The following LOC400499 variants were observed in gnomAD, a reference collection of about 807,000 sequenced individuals.
the LOC400499 span, chr16:11,477,716 T>C: frequency 7.3e-5 from 29 of 396,400 alleles, no homozygotes; most frequent in African/African-American, 5.4e-4. Flanking sequence ...TTCTGCAGAA[T>C]AGGGATCCTC....
the LOC400499 span, among the ~76,000 whole-genome samples, chr16:11,487,052 G>A: frequency 6.6e-6 from 1 of 152,000 alleles, no homozygotes; most frequent in Non-Finnish European, 1.5e-5. Context: ...TAGATGGAAG[G>A]AGGGAGGGAG....
At chr16:11,419,221 A>AAAAAT in the LOC400499 span, among the ~76,000 whole-genome samples, 2 of 152,126 alleles carry the variant, frequency 1.3e-5, no homozygotes, top group African/African-American at 4.8e-5. Context: ...TACAGTAACC[A>AAAAAT]AAACAGCATG....
the LOC400499 span, chr16:11,443,251 G>A: frequency 1.3e-5 from 4 of 307,202 alleles, no homozygotes; most frequent in African/African-American, 9.6e-5. Flanking sequence ...TTGAACCCAG[G>A]AGGCAGAGGT....
At chr16:11,481,209 G>A in the LOC400499 span, among the ~76,000 whole-genome samples, 2 of 152,238 alleles carry the variant, frequency 1.3e-5, no homozygotes, top group Non-Finnish European at 2.9e-5. Context: ...AGGGGCTGCT[G>A]GGGAGTGACT....
At chr16:11,429,486 T>C in the LOC400499 span, among the ~76,000 whole-genome samples, 1 of 152,178 alleles carries the variant, frequency 6.6e-6, no homozygotes, top group African/African-American at 2.4e-5. Context: ...AATAATTTAT[T>C]TTTTGAGACA....
the LOC400499 span, chr16:11,435,859 G>T: frequency 2.5e-6 from 1 of 399,202 alleles, no homozygotes; most frequent in Non-Finnish European, 4.4e-6. Flanking sequence ...GCACTCTGTA[G>T]CGCCCGGCAG....
chr16:11,471,487 C>CA, the LOC400499 span: 1 of 396,584 alleles, frequency 2.5e-6, no homozygotes, highest in East Asian at 3.6e-5. Flanking sequence ...CATACAGCCC[C>CA]AGATGGAGAA....
chr16:11,439,969 T>C, the LOC400499 span, among the ~76,000 whole-genome samples: 1 of 152,130 alleles, frequency 6.6e-6, no homozygotes, highest in African/African-American at 2.4e-5. Context: ...TACCATCCCA[T>C]TTCCCAGCTA....
the LOC400499 span, chr16:11,523,380 C>A: frequency 2.5e-6 from 1 of 398,666 alleles, no homozygotes; most frequent in South Asian, 1.3e-4. Context: ...GGCTCCTGGT[C>A]ACCAGAGGTG....
the LOC400499 span, chr16:11,384,421 C>T: frequency 1.7e-6 from 1 of 582,824 alleles, no homozygotes; most frequent in East Asian, 3.4e-5. Flanking sequence ...TGAGATGAGC[C>T]TGAAGCACAC....
chr16:11,428,145 T>C, the LOC400499 span, among the ~76,000 whole-genome samples: 6 of 152,208 alleles, frequency 3.9e-5, no homozygotes, highest in Admixed American at 3.9e-4. Context: ...TATGCTAAAC[T>C]AGGGGTGGAT....
the LOC400499 span, among the ~76,000 whole-genome samples, chr16:11,487,072 G>T: frequency 0.01 from 1,596 of 152,074 alleles, 27 homozygotes; most frequent in African/African-American, 0.036. Context: ...GGGATGGAGT[G>T]ATGGAGGCAT....
chr16:11,502,940 G>A, the LOC400499 span, among the ~76,000 whole-genome samples: 704 of 22,344 alleles, frequency 0.032, 13 homozygotes, highest in African/African-American at 0.096. Flanking sequence ...TTTTTTTTAA[G>A]AGACAGGATC....
chr16:11,485,491 G>A, the LOC400499 span, among the ~76,000 whole-genome samples: 1 of 152,034 alleles, frequency 6.6e-6, no homozygotes, highest in African/African-American at 2.4e-5. Flanking sequence ...CCTGGATGGG[G>A]GGGAGGGTTT....
the LOC400499 span, among the ~76,000 whole-genome samples, chr16:11,507,552 T>C: frequency 6.6e-6 from 1 of 152,202 alleles, no homozygotes; most frequent in African/African-American, 2.4e-5. Flanking sequence ...CACAATGATA[T>C]GAATTTCACT....
At chr16:11,498,459 G>A in the LOC400499 span, among the ~76,000 whole-genome samples, 5 of 152,126 alleles carry the variant, frequency 3.3e-5, no homozygotes, top group African/African-American at 1.2e-4. Flanking sequence ...TCCAGCCTGG[G>A]CAACAGAGCG....
At chr16:11,448,923 T>G in the LOC400499 span, 1 of 1,477,738 alleles carries the variant, frequency 6.8e-7, no homozygotes, top group Non-Finnish European at 9.1e-7. Context: ...TCTTACCCAC[T>G]CCAGGTGCCT....
At chr16:11,385,258 A>G in the LOC400499 span, 33 of 1,232,172 alleles carry the variant, frequency 2.7e-5, no homozygotes, top group Non-Finnish European at 2.5e-5. Flanking sequence ...AGTTCCACGA[A>G]CAGGGCTGTG....
At chr16:11,462,481 G>C in the LOC400499 span, 8 of 972,194 alleles carry the variant, frequency 8.2e-6, no homozygotes, top group African/African-American at 1.4e-4. Flanking sequence ...CCAAGCTGGA[G>C]TGCAGTGGTG....
Sources: gnomAD v4.1 joint callset for allele counts (sites outside exome capture counted in the v4.1 genomes callset) on GRCh38, gnomAD v4.1.1 for gene constraint, MANE v1.5 for transcripts.